HERPUD2: variants seen among roughly 807,000 people sequenced by gnomAD.
HERPUD2 encodes the protein homocysteine-responsive endoplasmic reticulum-resident ubiquitin-like domain member 2 protein.
Under a neutral mutation model 49.9 loss-of-function variants are expected in HERPUD2, and 13 were observed. The ratio of observed to expected loss-of-function variants is 0.26; its 90% CI spans 0.17 to 0.41. The LOEUF (loss-of-function observed/expected upper bound fraction) is 0.41, where lower values mean the gene tolerates loss of function less well. Ranked by LOEUF, HERPUD2 falls within the 10% of genes least tolerant of loss-of-function variation. The pLI, the probability that HERPUD2 is intolerant of heterozygous loss-of-function variation, is 1.00. For missense variants in HERPUD2, 449 were observed against 492.2 expected (o/e 0.91, Z 0.83); for synonymous variants, 172 against 171.4 (o/e 1.00, Z -0.03).
intron 5 of HERPUD2, among the ~76,000 whole-genome samples, chr7:35,645,237 T>C (rs1046444853): frequency 1.3e-5 from 2 of 152,168 alleles, no homozygotes; most frequent in Admixed American, 1.3e-4. Context: ...TAAATATCCA[T>C]CAGCAGGGAC....
chr7:35,690,350 G>T (rs968217102), intron 2 of HERPUD2, among the ~76,000 whole-genome samples: 3 of 152,138 alleles, frequency 2.0e-5, no homozygotes, highest in Admixed American at 6.5e-5. Flanking sequence ...TTTTAATTAT[G>T]ACTTTGTGAA....
chr7:35,655,018 C>T (rs1343022451), intron 5 of HERPUD2, among the ~76,000 whole-genome samples: 1 of 152,144 alleles, frequency 6.6e-6, no homozygotes, highest in African/African-American at 2.4e-5. Flanking sequence ...CGACGCCCAG[C>T]TAATTTTTGC....
intron 5 of HERPUD2, among the ~76,000 whole-genome samples, chr7:35,664,110 A>C (rs1475641575): frequency 1.3e-5 from 2 of 152,078 alleles, no homozygotes; most frequent in Admixed American, 1.3e-4. Flanking sequence ...ATCTCTCAGC[A>C]TTTGTTTGTC....
intron 2 of HERPUD2, among the ~76,000 whole-genome samples, chr7:35,676,537 A>T (rs1333193648): frequency 1.3e-5 from 2 of 152,200 alleles, no homozygotes; most frequent in Non-Finnish European, 2.9e-5. Flanking sequence ...CAGACCTAGA[A>T]TCAGCCATTG....
At chr7:35,672,207 G>T (rs1482881335) in intron 3 of HERPUD2, among the ~76,000 whole-genome samples, 3 of 150,436 alleles carry the variant, frequency 2.0e-5, no homozygotes, top group Admixed American at 2.0e-4. Context: ...GAATGTAAGA[G>T]AAATTGCTGT....
chr7:35,636,655 T>A (rs1290956705), intron 6 of HERPUD2, among the ~76,000 whole-genome samples: 1 of 152,092 alleles, frequency 6.6e-6, no homozygotes, highest in Non-Finnish European at 1.5e-5. Flanking sequence ...GGTATGAACA[T>A]CCTGTCTGGA....
chr7:35,681,576 A>AT (rs1172531405), intron 2 of HERPUD2, among the ~76,000 whole-genome samples: 1 of 152,178 alleles, frequency 6.6e-6, no homozygotes, highest in African/African-American at 2.4e-5. Context: ...AACAACCCAA[A>AT]TGTCTATCAG....
chr7:35,669,623 T>C (rs1785604921), intron 4 of HERPUD2, among the ~76,000 whole-genome samples: 2 of 152,172 alleles, frequency 1.3e-5, no homozygotes, highest in Admixed American at 1.3e-4. Context: ...GGTCAACTAT[T>C]ACAAAACATT....
At chr7:35,645,446 A>G (rs1785036886) in intron 5 of HERPUD2, among the ~76,000 whole-genome samples, 1 of 152,046 alleles carries the variant, frequency 6.6e-6, no homozygotes, top group Non-Finnish European at 1.5e-5. Flanking sequence ...TAAAAAATAT[A>G]TATTATATAA....
chr7:35,693,061 C>A (rs1212713715), intron 2 of HERPUD2, among the ~76,000 whole-genome samples: 1 of 152,230 alleles, frequency 6.6e-6, no homozygotes, highest in Non-Finnish European at 1.5e-5. Context: ...GCCTCACTTT[C>A]ATATACAGTA....
At chr7:35,652,279 C>T (rs1397098656) in intron 5 of HERPUD2, among the ~76,000 whole-genome samples, 1 of 152,182 alleles carries the variant, frequency 6.6e-6, no homozygotes, top group Non-Finnish European at 1.5e-5. Context: ...ATAAAGTTTC[C>T]TTTTTCAAAC....
At chr7:35,654,339 TAA>T (rs1443986981) in intron 5 of HERPUD2, among the ~76,000 whole-genome samples, 1 of 151,008 alleles carries the variant, frequency 6.6e-6, no homozygotes, top group African/African-American at 2.4e-5. Flanking sequence ...CCCATATAAA[TAA>T]AGTCAGATAT....
chr7:35,671,909 C>T (rs1785652103), intron 3 of HERPUD2, among the ~76,000 whole-genome samples: 4 of 150,954 alleles, frequency 2.6e-5, no homozygotes, highest in African/African-American at 4.9e-5. Context: ...AGGACTATAC[C>T]GAAATATATT....
At chr7:35,689,345 C>T (rs1195907960) in intron 2 of HERPUD2, among the ~76,000 whole-genome samples, 1 of 152,106 alleles carries the variant, frequency 6.6e-6, no homozygotes, top group Non-Finnish European at 1.5e-5. Context: ...ACATGAAACC[C>T]TCTTAAATGT....
At chr7:35,684,248 G>A (rs1320376845) in intron 2 of HERPUD2, among the ~76,000 whole-genome samples, 1 of 152,046 alleles carries the variant, frequency 6.6e-6, no homozygotes, top group Non-Finnish European at 1.5e-5. Flanking sequence ...AAATTAGCCA[G>A]GCATGGTGGC....
chr7:35,644,883 A>T (rs1785026973), intron 5 of HERPUD2, among the ~76,000 whole-genome samples: 1 of 152,220 alleles, frequency 6.6e-6, no homozygotes, highest in Non-Finnish European at 1.5e-5. Context: ...CTGAACACAA[A>T]GTGAATACTA....
chr7:35,637,057 C>T (rs566542354), intron 6 of HERPUD2, among the ~76,000 whole-genome samples: 8 of 151,848 alleles, frequency 5.3e-5, no homozygotes, highest in East Asian at 3.9e-4. Context: ...CGCTTGAACC[C>T]GGGAGGCGGA....
chr7:35,638,952 C>T (rs17678728), intron 5 of HERPUD2, among the ~76,000 whole-genome samples: 25,767 of 151,882 alleles, frequency 0.17, 2,704 homozygotes, highest in Non-Finnish European at 0.23. Flanking sequence ...ATTACAAAAA[C>T]CTGTAAAATA....
chr7:35,652,474 T>C (rs1350052441), intron 5 of HERPUD2, among the ~76,000 whole-genome samples: 1 of 151,924 alleles, frequency 6.6e-6, no homozygotes, highest in African/African-American at 2.4e-5. Context: ...GAGAAAAGCA[T>C]CCAGTCACTT....
Sources: allele counts gnomAD v4.1 joint callset (sites outside exome capture counted in the v4.1 genomes callset), GRCh38; gene constraint gnomAD v4.1.1; transcripts MANE v1.5; gene names NCBI Gene and HGNC (gene_info 2026-07-23, HGNC 2026-07-21).